DHRSX: variants seen among roughly 807,000 people sequenced by gnomAD.
DHRSX encodes polyprenol dehydrogenase.
A neutral mutation model predicts 34.0 loss-of-function variants in DHRSX; 31 were observed. The ratio of observed to expected loss-of-function variants is 0.91; its 90% confidence interval spans 0.69 to 1.23. The LOEUF is 1.23. Ranked by LOEUF, DHRSX falls within the 50% of genes most tolerant of loss-of-function variation. DHRSX has a pLI of 0.00. For synonymous variants in DHRSX, 201 were observed against 183.8 expected, an observed-to-expected ratio of 1.09 and a Z score of -0.76; for missense variants, 414 against 428.1, an observed-to-expected ratio of 0.97 and a Z score of 0.29.
rs183538435 is a variant in DHRSX, at chrX:2,262,871, C to T, written c.596+3869G>A. 1.9e-3 allele frequency among the ~76,000 whole-genome samples: 296 copies of T among 152,316 alleles called. 2 individuals carry two copies. The highest frequency in any genetic ancestry group is 6.7e-3 in the African/African-American group (280 of 41,570). ...GGCTCACAGACACAGGAGCTCAATT[C>T]GACAAAACAGATGGGCCAAGGTATC... On this transcript the variant is annotated intron_variant, in intron 5 of 6. Transcript: ENST00000334651.
At chrX:2,265,516 G>A (rs192078546) in intron 5 of DHRSX, among the ~76,000 whole-genome samples, 1 of 131,658 alleles carries the variant, frequency 7.6e-6, no homozygotes, top group East Asian at 2.4e-4. Context: ...CAGAGCACCA[G>A]TGTCCAGCAG....
At chrX:2,253,523 C>T (rs974229244) in intron 5 of DHRSX, among the ~76,000 whole-genome samples, 2 of 152,022 alleles carry the variant, frequency 1.3e-5, no homozygotes, top group Non-Finnish European at 1.5e-5. Flanking sequence ...CGGACATGGC[C>T]GTGAGCCAAT....
At chrX:2,361,768 C>T (rs1337847779) in intron 3 of DHRSX, among the ~76,000 whole-genome samples, 1 of 152,174 alleles carries the variant, frequency 6.6e-6, no homozygotes, top group Non-Finnish European at 1.5e-5. Context: ...AAGAAGATGT[C>T]TGGATAAGCA....
intron 3 of DHRSX, among the ~76,000 whole-genome samples, chrX:2,299,854 CAAA>C (rs36070145): frequency 4.1e-5 from 6 of 146,212 alleles, no homozygotes; most frequent in African/African-American, 1.5e-4. Flanking sequence ...GACTATGTCT[CAAA>C]AAAAAAAAAA....
chrX:2,498,642 AAG>A, intron 1 of DHRSX, among the ~76,000 whole-genome samples: 1 of 151,698 alleles, frequency 6.6e-6, no homozygotes, highest in Admixed American at 6.6e-5. Context: ...AAAAAAAAAA[AAG>A]ATTCCAGCCC....
At chrX:2,438,584 C>T (rs2044025062) in intron 1 of DHRSX, among the ~76,000 whole-genome samples, 2 of 151,164 alleles carry the variant, frequency 1.3e-5, no homozygotes, top group African/African-American at 4.9e-5. Context: ...AGGAGAATCG[C>T]TTGAACCCAG....
chrX:2,432,060 GTGTGC>G (rs1257223527), intron 1 of DHRSX, among the ~76,000 whole-genome samples: 1 of 152,116 alleles, frequency 6.6e-6, no homozygotes, highest in East Asian at 1.9e-4. Context: ...GCGTGGTGGT[GTGTGC>G]CACCTGTAAT....
chrX:2,411,277 C>G (rs1400852364), intron 2 of DHRSX, among the ~76,000 whole-genome samples: 1 of 152,046 alleles, frequency 6.6e-6, no homozygotes, highest in Non-Finnish European at 1.5e-5. Context: ...GGTGCGGTGG[C>G]TCATGCCTGT....
intron 3 of DHRSX, among the ~76,000 whole-genome samples, chrX:2,333,397 C>T (rs2042507620): frequency 6.6e-6 from 1 of 152,078 alleles, no homozygotes; most frequent in Non-Finnish European, 1.5e-5. Flanking sequence ...ATTATTTTGT[C>T]ACCCACATAA....
At chrX:2,454,972 C>T (rs1380587988) in intron 1 of DHRSX, among the ~76,000 whole-genome samples, 1 of 151,494 alleles carries the variant, frequency 6.6e-6, no homozygotes, top group African/African-American at 2.4e-5. Context: ...ATTAGCTGGG[C>T]GTGGTGGCAT....
intron 3 of DHRSX, among the ~76,000 whole-genome samples, chrX:2,363,602 A>G (rs1385494238): frequency 6.9e-6 from 1 of 144,900 alleles, no homozygotes; most frequent in Non-Finnish European, 1.5e-5. Context: ...GTTCTATGGT[A>G]TCATGCCTCC....
chrX:2,414,996 C>T (rs1470433310), intron 2 of DHRSX, among the ~76,000 whole-genome samples: 2 of 151,636 alleles, frequency 1.3e-5, no homozygotes, highest in Non-Finnish European at 2.9e-5. Context: ...TCATCACGAC[C>T]TACCCAACTA....
chrX:2,383,243 A>G (rs2043234289), intron 3 of DHRSX, among the ~76,000 whole-genome samples: 1 of 151,630 alleles, frequency 6.6e-6, no homozygotes, highest in Admixed American at 6.6e-5. Flanking sequence ...TCACCCCATC[A>G]TCATCACCAT....
chrX:2,304,333 A>G (rs1315427110), intron 3 of DHRSX, among the ~76,000 whole-genome samples: 1 of 148,482 alleles, frequency 6.7e-6, no homozygotes, highest in Non-Finnish European at 1.5e-5. Flanking sequence ...GGATGGATGG[A>G]TGAACTGATG....
At chrX:2,490,720 T>A (rs1476655109) in intron 1 of DHRSX, 14 of 1,611,368 alleles carry the variant, frequency 8.7e-6, no homozygotes, top group Non-Finnish European at 1.2e-5. Context: ...TATTCTCCAT[T>A]GCTTCTCCAC....
intron 3 of DHRSX, among the ~76,000 whole-genome samples, chrX:2,293,291 G>C (rs1341095433): frequency 6.7e-6 from 1 of 149,914 alleles, no homozygotes; most frequent in African/African-American, 2.5e-5. Context: ...TGAGGTTTTG[G>C]AGGGAGAGGA....
intron 4 of DHRSX, among the ~76,000 whole-genome samples, chrX:2,275,509 C>T (rs1244335835): frequency 2.1e-5 from 1 of 46,904 alleles, no homozygotes; most frequent in East Asian, 2.3e-4. Context: ...GACTATGTTT[C>T]AAAACAAAAA....
chrX:2,437,936 C>A (rs779524657), intron 1 of DHRSX, among the ~76,000 whole-genome samples: 1 of 151,890 alleles, frequency 6.6e-6, no homozygotes, highest in South Asian at 2.1e-4. Context: ...TATGTGGCAA[C>A]CATTCTAAGC....
chrX:2,488,968 G>T, intron 1 of DHRSX: 1 of 1,597,602 alleles, frequency 6.3e-7, no homozygotes, highest in Non-Finnish European at 8.5e-7. Flanking sequence ...GGGGGTCTTC[G>T]TTGAGGCCAA....
Sources: allele counts gnomAD v4.1 joint callset (sites outside exome capture counted in the v4.1 genomes callset), GRCh38; gene constraint gnomAD v4.1.1; transcripts MANE v1.5; gene names NCBI Gene and HGNC (gene_info 2026-07-23, HGNC 2026-07-21).